ADAMTS17: variants seen among roughly 807,000 people sequenced by gnomAD.
The protein encoded by ADAMTS17 is A disintegrin and metalloproteinase with thrombospondin motifs 17.
A neutral mutation model predicts 141.5 loss-of-function variants in ADAMTS17; 113 were observed. That is an observed-to-expected ratio of 0.80 (90% CI 0.69 to 0.93). The LOEUF is 0.93. Ranked by LOEUF, ADAMTS17 falls within the 40% of genes least tolerant of loss-of-function variation. The probability of loss-of-function intolerance (pLI) is 0.00; values close to 1 mark genes in which losing one functional copy is unlikely to be tolerated. For missense variants in ADAMTS17, 1,659 were observed against 1,517.9 expected, an observed-to-expected ratio of 1.09 and a Z score of -1.54; for synonymous variants, 768 against 630.6, an observed-to-expected ratio of 1.22 and a Z score of -3.27.
intron 8 of ADAMTS17, among the ~76,000 whole-genome samples, chr15:100,171,129 G>T (rs1436621211): frequency 6.6e-6 from 1 of 152,078 alleles, no homozygotes; most frequent in Non-Finnish European, 1.5e-5. Flanking sequence ...TGGAGGAGGG[G>T]ATTAGCCCAC....
intron 4 of ADAMTS17, among the ~76,000 whole-genome samples, chr15:100,279,212 C>T (rs1197884301): frequency 1.3e-5 from 2 of 152,300 alleles, no homozygotes; most frequent in Admixed American, 1.3e-4. Context: ...CCATGAGGAC[C>T]ACCACCCTCT....
chr15:100,338,880 CTTGGT>C, intron 2 of ADAMTS17: 1 of 926,998 alleles, frequency 1.1e-6, no homozygotes, highest in South Asian at 5.0e-5. Context: ...GCAATGCAAA[CTTGGT>C]TAGCCCAAAT....
At chr15:100,069,900 C>T (rs1292465112) in intron 15 of ADAMTS17, among the ~76,000 whole-genome samples, 1 of 150,190 alleles carries the variant, frequency 6.7e-6, no homozygotes, top group East Asian at 1.9e-4. Context: ...ACAATATTAA[C>T]CTTAAATGTA....
chr15:100,128,120 T>C (rs1409948386), intron 12 of ADAMTS17: 1 of 152,178 alleles, frequency 6.6e-6, no homozygotes, highest in African/African-American at 2.4e-5. Context: ...TGGTGCTATT[T>C]ACTGAGAGGG....
chr15:100,004,523 T>G (rs1688805559), intron 18 of ADAMTS17, among the ~76,000 whole-genome samples: 1 of 152,160 alleles, frequency 6.6e-6, no homozygotes, highest in African/African-American at 2.4e-5. Context: ...AAGCCCTATT[T>G]TTTTCCACTA....
intron 8 of ADAMTS17, among the ~76,000 whole-genome samples, chr15:100,157,650 C>T (rs759330736): frequency 1.3e-5 from 2 of 152,052 alleles, no homozygotes; most frequent in Admixed American, 6.6e-5. Flanking sequence ...ATTTATTGAA[C>T]GAATTATCTG....
At position 100,209,131 on chromosome 15, in the gene ADAMTS17, A is replaced by AAAAAGG. The variant is rs1555483240; in HGVS notation, c.1076-9709_1076-9708insCCTTTT. On this transcript the variant is annotated intron_variant, in intron 7 of 21. Transcript: ENST00000268070. ...AAGTTAGCAAAAAAAAAAAAAAAAA[A>AAAAAGG]AAGGAAGAAAGAAAGAAAAGGATTC... 1.5e-3 allele frequency among the ~76,000 whole-genome samples: 195 copies of AAAAAGG among 133,122 alleles called. 6 individuals are homozygous for AAAAAGG. Among genetic ancestry groups the AAAAAGG allele is most frequent in the African/African-American group, 4.1e-3 (138 of 33,534 alleles). The allele number at this position is 133,122 out of a possible 152,430, so 87.3% of individuals were successfully genotyped here. A position where few individuals can be genotyped will look rare whatever the true frequency, so the allele number is the denominator to read the frequency against.
intron 18 of ADAMTS17, among the ~76,000 whole-genome samples, chr15:100,024,207 G>A (rs542860759): frequency 2.6e-5 from 4 of 152,114 alleles, no homozygotes; most frequent in African/African-American, 4.8e-5. Context: ...ATTCTCCTGC[G>A]TCGGCCTCCC....
Position 100,253,227 on chromosome 15 carries a change from G to A in ADAMTS17, c.1075+909C>T, listed in dbSNP as rs116133496. Among the ~76,000 whole-genome samples, 627 of 150,938 alleles carry A rather than the reference G, an allele frequency of 4.2e-3. 4 individuals are homozygous for A. The highest frequency in any genetic ancestry group is 0.015 in the African/African-American group (596 of 40,958). On this transcript the variant is annotated intron_variant, in intron 7 of 21. Transcript: ENST00000268070. Reference sequence around the variant, plus strand: ...AAACTGGAAACACCCTTGGCATTGTGCCTGTATTAACCAAACACTGTGTGC... The same window carrying A: ...AAACTGGAAACACCCTTGGCATTGTACCTGTATTAACCAAACACTGTGTGC...
chr15:99,980,825 T>C (rs1033579390), intron 20 of ADAMTS17: 2 of 152,220 alleles, frequency 1.3e-5, no homozygotes, highest in African/African-American at 2.4e-5. Flanking sequence ...ACTCAGGCAT[T>C]TGAGGTGACC....
At chr15:100,310,343 C>T (rs1339857368) in intron 3 of ADAMTS17, among the ~76,000 whole-genome samples, 1 of 152,194 alleles carries the variant, frequency 6.6e-6, no homozygotes, top group East Asian at 1.9e-4. Context: ...GAGAAGCAGC[C>T]ACATCCCTGG....
chr15:100,330,094 C>T (rs2046004859), intron 3 of ADAMTS17, among the ~76,000 whole-genome samples: 1 of 152,126 alleles, frequency 6.6e-6, no homozygotes, highest in Admixed American at 6.5e-5. Flanking sequence ...CATTTGTAGC[C>T]CCATGAAATG....
intron 9 of ADAMTS17, among the ~76,000 whole-genome samples, chr15:100,154,400 C>T (rs917234637): frequency 1.3e-5 from 2 of 152,206 alleles, no homozygotes; most frequent in Admixed American, 6.5e-5. Flanking sequence ...CCCAGGATGG[C>T]ACCTTTGCCA....
At chr15:100,285,756 C>G (rs74037445) in intron 3 of ADAMTS17, among the ~76,000 whole-genome samples, 2 of 152,162 alleles carry the variant, frequency 1.3e-5, no homozygotes, top group Non-Finnish European at 2.9e-5. Flanking sequence ...GGGCAGGACT[C>G]CAGCCTGTGT....
intron 7 of ADAMTS17, among the ~76,000 whole-genome samples, chr15:100,212,578 G>A (rs139791570): frequency 7.9e-5 from 12 of 152,048 alleles, no homozygotes; most frequent in Non-Finnish European, 1.3e-4. Flanking sequence ...ATCCCAGAAT[G>A]TAATCAAAGA....
chr15:100,112,773 T>C (rs1454815899), intron 13 of ADAMTS17, among the ~76,000 whole-genome samples: 1 of 152,166 alleles, frequency 6.6e-6, no homozygotes, highest in African/African-American at 2.4e-5. Flanking sequence ...GTCTGGCTTC[T>C]TGCTGGCCTG....
chr15:100,221,729 C>T (rs1412386545), intron 7 of ADAMTS17, among the ~76,000 whole-genome samples: 1 of 152,170 alleles, frequency 6.6e-6, no homozygotes, highest in Admixed American at 6.5e-5. Flanking sequence ...ATGAAGAGTG[C>T]CTCTGGGACA....
intron 18 of ADAMTS17, among the ~76,000 whole-genome samples, chr15:100,031,586 G>A (rs1354603845): frequency 1.3e-5 from 2 of 152,172 alleles, no homozygotes; most frequent in Non-Finnish European, 1.5e-5. Flanking sequence ...CATCAACGGA[G>A]CATCTGTCCA....
intron 3 of ADAMTS17, among the ~76,000 whole-genome samples, chr15:100,314,125 T>C (rs1385226617): frequency 6.6e-6 from 1 of 152,180 alleles, no homozygotes; most frequent in Non-Finnish European, 1.5e-5. Context: ...ACAAAATAAC[T>C]AGTCTATACT....
Sources: allele counts gnomAD v4.1 joint callset (sites outside exome capture counted in the v4.1 genomes callset), GRCh38; gene constraint gnomAD v4.1.1; transcripts MANE v1.5; gene names NCBI Gene and HGNC (gene_info 2026-07-23, HGNC 2026-07-21).